Variants in TLE3 observed in about 807,000 individuals in gnomAD.
The protein encoded by TLE3 is transducin-like enhancer protein 3.
A neutral mutation model predicts 93.0 loss-of-function variants in TLE3; 14 were observed. The observed-to-expected ratio is 0.15, with a 90% CI of 0.10 to 0.24. The LOEUF (loss-of-function observed/expected upper bound fraction) is 0.24, where lower values mean the gene tolerates loss of function less well. Ranked by LOEUF, TLE3 falls within the 10% of genes least tolerant of loss-of-function variation. TLE3 has a pLI of 1.00. For missense variants in TLE3, 693 were observed against 1,046.6 expected, an observed-to-expected ratio of 0.66 and a Z score of 4.66; for synonymous variants, 451 against 425.0, an observed-to-expected ratio of 1.06 and a Z score of -0.75.
chr15:70,053,806 C>T, intron 16 of TLE3: 1 of 162,246 alleles, frequency 6.2e-6, no homozygotes, highest in Non-Finnish European at 1.3e-5. Flanking sequence ...ACTCGCACTC[C>T]ACACGCCCTC....
Position 70,097,032 on chromosome 15 carries a change from C to A in TLE3, c.-234G>T. 1 of 569,724 alleles carries A rather than the reference C, an allele frequency of 1.8e-6. No homozygotes were observed. The highest frequency in any genetic ancestry group is 3.0e-6 in the Non-Finnish European group (1 of 331,388). The allele number at this position is 569,724 out of a possible 1,614,324, so 35.3% of individuals were successfully genotyped here. A position where few individuals can be genotyped will look rare whatever the true frequency, so the allele number is the denominator to read the frequency against. The stretch of plus-strand genomic sequence containing the variant: ...GTCGTCGGCGGGCGCCGGGGCCGGG[C>A]GGCGGGCGCGGGCTTTGTGCGCCTA... On this transcript the variant is annotated 5_prime_UTR_variant, in exon 1 of 20. Coordinates refer to ENST00000451782, the MANE Select transcript of TLE3 (RefSeq NM_001105192.3).
rs1426853209 is a variant in TLE3 at position 70,097,076 on chromosome 15, C to T, written c.-278G>A. 2.0e-6 allele frequency: 1 copy of T among 490,896 alleles called. No individual in the cohort carries two copies. The highest frequency in any genetic ancestry group is 3.5e-6 in the Non-Finnish European group (1 of 285,928). 30.4% of individuals were successfully genotyped at this position (490,896 alleles called of 1,614,324 possible). Reference sequence around the variant, plus strand: ...GCGCCTAGGGCTCGGCGGGCAGCGGCCGGCCGCCTTCCCTGGGCTGCGTCG... The same window carrying T: ...GCGCCTAGGGCTCGGCGGGCAGCGGTCGGCCGCCTTCCCTGGGCTGCGTCG... On this transcript the variant is annotated 5_prime_UTR_variant, in exon 1 of 20. Transcript: ENST00000451782.
chr15:70,051,037 G>A (rs996810323), intron 19 of TLE3: 8 of 175,878 alleles, frequency 4.5e-5, no homozygotes, highest in Admixed American at 1.8e-4. Flanking sequence ...CAAGGCTGCC[G>A]GGTGCCCAGG....
intron 8 of TLE3, among the ~76,000 whole-genome samples, chr15:70,063,216 G>A (rs2056604598): frequency 6.6e-6 from 1 of 152,206 alleles, no homozygotes; most frequent in Non-Finnish European, 1.5e-5. Context: ...ACTACACAGG[G>A]CCTCATAAAG....
Position 70,096,860 on chromosome 15 carries a change from CG to C in TLE3, c.-63del, listed in dbSNP as rs767929708. ...GCCGAGAGCCCGGGCCGGGGAGGTG[CG>C]GGGGAGGGGGGAGCCGAGCCCGAGC... On this transcript the variant is annotated 5_prime_UTR_variant, in exon 1 of 20. Coordinates refer to ENST00000451782, the MANE Select transcript of TLE3 (RefSeq NM_001105192.3). 1.3e-6 allele frequency: 2 copies of C among 1,498,702 alleles called. No homozygotes were observed. Among genetic ancestry groups the C allele is most frequent in the African/African-American group, 1.4e-5 (1 of 72,566 alleles). The allele number at this position is 1,498,702 out of a possible 1,614,324, so 92.8% of individuals were successfully genotyped here. A position where few individuals can be genotyped will look rare whatever the true frequency, so the allele number is the denominator to read the frequency against.
At chr15:70,082,455 T>C (rs1401245501) in intron 4 of TLE3, among the ~76,000 whole-genome samples, 1 of 152,122 alleles carries the variant, frequency 6.6e-6, no homozygotes, top group Non-Finnish European at 1.5e-5. Context: ...AAATGATCTA[T>C]GCAGCAGCCT....
At chr15:70,056,466 C>CT (rs2056043605) in intron 13 of TLE3, 92 bp from the exon 14 acceptor site, 2 of 1,148,980 alleles carry the variant, frequency 1.7e-6, no homozygotes, top group Non-Finnish European at 2.5e-6. Context: ...GTCCTACCTG[C>CT]ACGGCTCTGC....
chr15:70,078,695 G>A (rs1411879168), intron 4 of TLE3, among the ~76,000 whole-genome samples: 1 of 152,192 alleles, frequency 6.6e-6, no homozygotes, highest in Non-Finnish European at 1.5e-5. Flanking sequence ...AACGGGGTGG[G>A]GTGGCACCTC....
intron 6 of TLE3, among the ~76,000 whole-genome samples, chr15:70,069,822 C>T (rs1299905502): frequency 1.3e-5 from 2 of 152,266 alleles, no homozygotes; most frequent in African/African-American, 2.4e-5. Context: ...CCCCACCTGA[C>T]CCCCGTCCCT....
intron 4 of TLE3, among the ~76,000 whole-genome samples, chr15:70,086,082 C>A (rs544104252): frequency 6.6e-6 from 1 of 152,174 alleles, no homozygotes; most frequent in African/African-American, 2.4e-5. Flanking sequence ...CTATCCCACC[C>A]GACCAGTTAG....
chr15:70,062,544 C>T (rs2056561119), intron 8 of TLE3, among the ~76,000 whole-genome samples: 1 of 152,242 alleles, frequency 6.6e-6, no homozygotes, highest in Non-Finnish European at 1.5e-5. Context: ...CCGCCTCTGG[C>T]TGGCAGGCGG....
rs937851359 is a variant in TLE3, at chr15:70,049,899, G to A, written c.*198C>T. ...GGAGGAGCAGAACCCTTCCGAGTCT[G>A]TGAGACACATCAATCCAGGCCCAGG... On this transcript the variant is annotated 3_prime_UTR_variant, in exon 20 of 20. Transcript: ENST00000451782. 1.8e-6 allele frequency: 1 copy of A among 558,032 alleles called. No individual in the cohort carries two copies. Among genetic ancestry groups the A allele is most frequent in the East Asian group, 3.0e-5 (1 of 33,750 alleles). 34.6% of individuals were successfully genotyped at this position (558,032 alleles called of 1,614,324 possible).
Position 70,096,979 on chromosome 15 carries a change from G to A in TLE3, c.-181C>T, listed in dbSNP as rs948463785. 5.5e-6 allele frequency: 4 copies of A among 732,670 alleles called. No individual in the cohort carries two copies. Among genetic ancestry groups the A allele is most frequent in the East Asian group, 3.1e-5 (1 of 32,442 alleles). The allele number at this position is 732,670 out of a possible 1,614,324, so 45.4% of individuals were successfully genotyped here. On this transcript the variant is annotated 5_prime_UTR_variant, in exon 1 of 20. Coordinates refer to ENST00000451782, the MANE Select transcript of TLE3 (RefSeq NM_001105192.3). ...GAGTCGGGCGCCCGCCCCAAGTGGA[G>A]ACAAAGAGCCGCGGAGCAGGCGGCA...
rs60969683 is a variant in TLE3, at chr15:70,097,816, CA to C, written c.-1019del. On this transcript the variant is annotated 5_prime_UTR_variant, in exon 1 of 20. Transcript: ENST00000451782. ...CGCGCGCACGCACACACACACACAC[CA>C]AAAAAAAAAGTGCCCCGGACCTACG... The C allele has an allele frequency of 0.88, 289,855 of 329,144 alleles. 125,992 individuals carry two copies. Among genetic ancestry groups the C allele is most frequent in the African/African-American group, 0.93 (43,312 of 46,502 alleles). The allele number at this position is 329,144 out of a possible 1,614,324, so 20.4% of individuals were successfully genotyped here.
At chr15:70,061,361 G>C (rs143780624) in intron 8 of TLE3, among the ~76,000 whole-genome samples, 1 of 152,220 alleles carries the variant, frequency 6.6e-6, no homozygotes, top group African/African-American at 2.4e-5. Flanking sequence ...ACCAAGTGGA[G>C]ACCCCAAGAG....
Position 70,097,780 on chromosome 15 carries a change from A to G in TLE3, c.-982T>C, listed in dbSNP as rs1490737324. ...CAAACCCCCAAAACACACACACCCA[A>G]CACACACACACGCGCGCACGCACAC... is the stretch of plus-strand genomic sequence containing the variant. On this transcript the variant is annotated 5_prime_UTR_variant, in exon 1 of 20. Coordinates refer to ENST00000451782, the MANE Select transcript of TLE3 (RefSeq NM_001105192.3). The G allele has an allele frequency of 1.7e-5, 6 of 357,578 alleles. No individual in the cohort carries two copies. The Admixed American group carries it at 2.4e-4, about 14-fold the overall frequency. 22.2% of individuals were successfully genotyped at this position (357,578 alleles called of 1,614,324 possible).
chr15:70,095,462 GC>G (rs2058508278), intron 3 of TLE3, 115 bp downstream of exon 3: 1 of 1,543,786 alleles, frequency 6.5e-7, no homozygotes, highest in Admixed American at 2.0e-5. Flanking sequence ...CTCTCTCAGG[GC>G]CGCCCTGCGG....
rs762584296 is a variant in TLE3, at chr15:70,050,073, T to A, written c.*24A>T. The A allele has an allele frequency of 3.1e-6, 5 of 1,601,556 alleles. No homozygotes were observed. The highest frequency in any genetic ancestry group is 3.3e-4 in the Middle Eastern group (2 of 6,050). The stretch of plus-strand genomic sequence containing the variant: ...AGCCGAGTCGGTTTCTCCCAGAGTT[T>A]GACAGCCCTGCTGGAGTTCTTGTTT... On this transcript the variant is annotated 3_prime_UTR_variant, in exon 20 of 20. Coordinates refer to ENST00000451782, the MANE Select transcript of TLE3 (RefSeq NM_001105192.3).
intron 15 of TLE3, 43 bp downstream of exon 15, chr15:70,055,006 C>G (rs561444280): frequency 1.3e-6 from 2 of 1,553,584 alleles, no homozygotes; most frequent in African/African-American, 1.4e-5. Context: ...GCCCCATCCT[C>G]CTACACCAGC....
Sources: gnomAD v4.1 joint callset for allele counts (sites outside exome capture counted in the v4.1 genomes callset) on GRCh38, gnomAD v4.1.1 for gene constraint, MANE v1.5 for transcripts, NCBI Gene and HGNC (gene_info 2026-07-23, HGNC 2026-07-21) for gene names.